The following ADAMTSL2 variants were observed in gnomAD, a reference collection of about 807,000 sequenced individuals.
ADAMTSL2 encodes the protein ADAMTS-like protein 2.
Under a neutral mutation model 117.0 loss-of-function variants are expected in ADAMTSL2, and 55 were observed. The observed-to-expected ratio is 0.47, with a 90% CI of 0.38 to 0.59. The LOEUF is 0.59. ADAMTSL2 is among the 20% of genes least tolerant of loss of function. ADAMTSL2 has a pLI of 0.00. For missense variants in ADAMTSL2, 1,182 were observed against 1,354.5 expected (o/e 0.87, Z 2.00); for synonymous variants, 572 against 566.4 (o/e 1.01, Z -0.14).
rs1301005636 is a variant in ADAMTSL2, at chr9:133,555,668, C to T, written c.1387C>T (p.Leu463=). Residue 463 remains leucine (L), a synonymous_variant, in exon 11 of 19, where the codon CTG becomes TTG. Transcript: ENST00000651351. ...FSANAISDQL[L]GAGSDLKDFT... ...GGCTAACGCCATCTCTGACCAGCTGCTGGGCGCAGGCTCTGACTTGAAGGA... is the reference window on the plus strand; with the variant it reads ...GGCTAACGCCATCTCTGACCAGCTGTTGGGCGCAGGCTCTGACTTGAAGGA... The T allele has an allele frequency of 1.2e-6, 2 of 1,613,752 alleles. No individual in the cohort carries two copies. Among genetic ancestry groups the T allele is most frequent in the Non-Finnish European group, 1.7e-6 (2 of 1,180,054 alleles).
intron 6 of ADAMTSL2, 41 bp downstream of exon 6, chr9:133,540,784 T>C (rs751501290): frequency 1.2e-6 from 2 of 1,613,488 alleles, no homozygotes; most frequent in Admixed American, 3.3e-5. Context: ...GGTCTCACTG[T>C]GCTGACTGCC....
intron 12 of ADAMTSL2, among the ~76,000 whole-genome samples, chr9:133,562,539 C>A (rs867253021): frequency 0.16 from 8,488 of 51,690 alleles, 324 homozygotes; most frequent in African/African-American, 0.25. Flanking sequence ...CGGCTGGGCC[C>A]GGCTCGCACC....
chr9:133,559,761 C>T (rs1165138143), intron 11 of ADAMTSL2, among the ~76,000 whole-genome samples: 1 of 152,082 alleles, frequency 6.6e-6, no homozygotes, highest in Admixed American at 6.5e-5. Context: ...CTTGAAGCTC[C>T]CAGGTGAAGG....
chr9:133,567,381 A>C (rs1179411502), intron 13 of ADAMTSL2, among the ~76,000 whole-genome samples: 1 of 152,208 alleles, frequency 6.6e-6, no homozygotes, highest in Non-Finnish European at 1.5e-5. Flanking sequence ...CACATCTAGG[A>C]TTTTTATAAA....
chr9:133,564,199 G>A (rs867027746), intron 12 of ADAMTSL2, among the ~76,000 whole-genome samples: 300 of 7,020 alleles, frequency 0.043, no homozygotes, highest in East Asian at 0.15. Flanking sequence ...AGAGAGAGAG[G>A]GAGAGAGAGA....
rs1262366415 is a variant in ADAMTSL2, at chr9:133,541,496, C to T, written c.682+495C>T. Among the ~76,000 whole-genome samples, 4 of 152,200 alleles carry T rather than the reference C, an allele frequency of 2.6e-5. No individual in the cohort carries two copies. The East Asian group carries it at 7.7e-4, about 29-fold the overall frequency. ...TGGAGATGGGGTTTCACTATGTTGG[C>T]CAGGCTGGTTTCGAACTCCTGACCT... On this transcript the variant is annotated intron_variant, in intron 7 of 18. Transcript: ENST00000651351.
chr9:133,545,257 C>A (rs1830321429), intron 8 of ADAMTSL2, among the ~76,000 whole-genome samples: 1 of 152,186 alleles, frequency 6.6e-6, no homozygotes. Context: ...CTCGGCCCTT[C>A]CCTTTATGGG....
At chr9:133,555,959 AG>A in intron 11 of ADAMTSL2, 29 bp downstream of exon 11, 1 of 1,604,424 alleles carries the variant, frequency 6.2e-7, no homozygotes, top group South Asian at 1.1e-5. Context: ...AGCCCTGTCC[AG>A]GGCCCTCAGG....
chr9:133,574,695 C>G, intron 18 of ADAMTSL2, 51 bp from the exon 19 acceptor site: 1 of 1,548,434 alleles, frequency 6.5e-7, no homozygotes, highest in Non-Finnish European at 8.9e-7. Flanking sequence ...GGTTTTCGCC[C>G]CTTGGCCACC....
At chr9:133,547,867 G>A (rs1048162089) in intron 9 of ADAMTSL2, among the ~76,000 whole-genome samples, 2 of 152,222 alleles carry the variant, frequency 1.3e-5, no homozygotes, top group African/African-American at 4.8e-5. Flanking sequence ...GGGCAGGAGG[G>A]AGCGTGGGCC....
intron 9 of ADAMTSL2, among the ~76,000 whole-genome samples, chr9:133,551,690 C>T (rs1324803298): frequency 1.3e-5 from 2 of 152,124 alleles, no homozygotes; most frequent in African/African-American, 4.8e-5. Flanking sequence ...CTTTCCCTAC[C>T]ACAGATATCT....
chr9:133,552,734 G>C (rs1021668417), intron 9 of ADAMTSL2, among the ~76,000 whole-genome samples: 1 of 152,140 alleles, frequency 6.6e-6, no homozygotes, highest in Non-Finnish European at 1.5e-5. Flanking sequence ...ATCCAGACTC[G>C]GATGGCAGAT....
chr9:133,569,679 G>A (rs1417616785), intron 16 of ADAMTSL2, 101 bp downstream of exon 16: 5 of 1,187,014 alleles, frequency 4.2e-6, no homozygotes, highest in Non-Finnish European at 6.0e-6. Flanking sequence ...GTGAAAAAGA[G>A]GAATTCATTG....
In ADAMTSL2 at chr9:133,536,626, C is replaced by T. The variant is rs765685064; in HGVS notation, c.-87C>T. ...CCTTGAGGCCTGGGCACTGGCTGGGCCCCGAGGGCTCTTCCCAAAGCGTAC... is the reference window on the plus strand; with the variant it reads ...CCTTGAGGCCTGGGCACTGGCTGGGTCCCGAGGGCTCTTCCCAAAGCGTAC... On this transcript the variant is annotated 5_prime_UTR_variant, in exon 2 of 19. Coordinates refer to ENST00000651351, the MANE Select transcript of ADAMTSL2 (RefSeq NM_014694.4). The T allele has an allele frequency of 6.2e-7, 1 of 1,612,958 alleles. No individual in the cohort carries two copies. Among genetic ancestry groups the T allele is most frequent in the Non-Finnish European group, 8.5e-7 (1 of 1,179,708 alleles).
chr9:133,572,100 C>T (rs1831118805), intron 17 of ADAMTSL2, among the ~76,000 whole-genome samples: 1 of 152,176 alleles, frequency 6.6e-6, no homozygotes, highest in Admixed American at 6.5e-5. Context: ...GATTGGGGTC[C>T]AGGCCCCGGG....
chr9:133,560,471 T>C (rs1187943598), intron 11 of ADAMTSL2, among the ~76,000 whole-genome samples: 1 of 151,346 alleles, frequency 6.6e-6, no homozygotes, highest in Non-Finnish European at 1.5e-5. Flanking sequence ...GCCTGCACAT[T>C]GGATGTGGAG....
intron 11 of ADAMTSL2, among the ~76,000 whole-genome samples, chr9:133,559,690 G>T (rs1830684925): frequency 1.3e-5 from 2 of 152,186 alleles, no homozygotes; most frequent in South Asian, 4.2e-4. Context: ...AGTTCTGAAA[G>T]AGGGAGGAGA....
In ADAMTSL2 at chr9:133,561,360, G is replaced by T. The variant is rs879130057; in HGVS notation, c.1747+65G>T. 2.8e-3 allele frequency: 4,023 copies of T among 1,435,900 alleles called. 39 individuals carry two copies. Among genetic ancestry groups the T allele is most frequent in the South Asian group, 0.018 (1,493 of 81,960 alleles). The allele number at this position is 1,435,900 out of a possible 1,614,324, so 88.9% of individuals were successfully genotyped here. A position where few individuals can be genotyped will look rare whatever the true frequency, so the allele number is the denominator to read the frequency against. On this transcript the variant is annotated intron_variant, in intron 12 of 18. Coordinates refer to ENST00000651351, the MANE Select transcript of ADAMTSL2 (RefSeq NM_014694.4). ...ACCCATTTCCATGGACATGGGCTGG[G>T]GCTGTGGGGCCCACCCACTAGCTTG... is the stretch of plus-strand genomic sequence containing the variant.
Position 133,568,144 on chromosome 9 carries a change from CTTG to C in ADAMTSL2, c.1875-124_1875-122del. 3 of 973,314 alleles carry C rather than the reference CTTG, an allele frequency of 3.1e-6. No homozygotes were observed. In the South Asian group the frequency reaches 4.6e-5, roughly 15 times the overall value. The allele number at this position is 973,314 out of a possible 1,614,324, so 60.3% of individuals were successfully genotyped here. ...CTCGACACCCTCCTGTCTGGCTTAGCTTGTTGTGTGCGGTTTTGGACCACATAG... is the reference window on the plus strand; with the variant it reads ...CTCGACACCCTCCTGTCTGGCTTAGCTTGTGTGCGGTTTTGGACCACATAG... On this transcript the variant is annotated intron_variant, in intron 13 of 18. Coordinates refer to ENST00000651351, the MANE Select transcript of ADAMTSL2 (RefSeq NM_014694.4).
Sources: gnomAD v4.1 joint callset for allele counts (sites outside exome capture counted in the v4.1 genomes callset) on GRCh38, gnomAD v4.1.1 for gene constraint, MANE v1.5 for transcripts, NCBI Gene and HGNC (gene_info 2026-07-23, HGNC 2026-07-21) for gene names.